PARD3B: variants seen among roughly 807,000 people sequenced by gnomAD.
PARD3B encodes partitioning defective 3 homolog B.
Under a neutral mutation model 130.2 loss-of-function variants are expected in PARD3B, and 103 were observed. The observed-to-expected ratio is 0.79, with a 90% CI of 0.67 to 0.93. The LOEUF (loss-of-function observed/expected upper bound fraction) is 0.93. PARD3B is among the 40% of genes least tolerant of loss of function. The pLI is 0.00. For missense variants in PARD3B, 1,609 were observed against 1,499.2 expected (o/e 1.07, Z -1.21); for synonymous variants, 583 against 553.2 (o/e 1.05, Z -0.76).
At chr2:204,736,161 A>C (rs1396352510) in intron 2 of PARD3B, among the ~76,000 whole-genome samples, 1 of 129,762 alleles carries the variant, frequency 7.7e-6, no homozygotes, top group Admixed American at 7.2e-5. Flanking sequence ...ATCTATGAGT[A>C]CTATTTTTTT....
intron 16 of PARD3B, among the ~76,000 whole-genome samples, chr2:205,299,149 AT>A (rs1332250547): frequency 1.1e-4 from 16 of 152,274 alleles, no homozygotes; most frequent in Admixed American, 1.0e-3. Flanking sequence ...AAAGGTGTGT[AT>A]TGCTATTTCA....
chr2:204,764,512 C>T (rs1332893122), intron 2 of PARD3B, among the ~76,000 whole-genome samples: 1 of 152,188 alleles, frequency 6.6e-6, no homozygotes. Context: ...CCCACCCTAA[C>T]TGCCTGCCTG....
chr2:205,588,048 G>A (rs1575430758), intron 22 of PARD3B, among the ~76,000 whole-genome samples: 1 of 152,278 alleles, frequency 6.6e-6, no homozygotes, highest in East Asian at 1.9e-4. Flanking sequence ...AGGCAGAACA[G>A]GAAGGAAAGG....
intron 18 of PARD3B, among the ~76,000 whole-genome samples, chr2:205,372,925 G>A (rs941235554): frequency 5.3e-5 from 8 of 152,142 alleles, no homozygotes; most frequent in Non-Finnish European, 1.0e-4. Flanking sequence ...GTTGCAGTGA[G>A]CTTTCATTGC....
chr2:204,801,252 AAGTC>A (rs1233389347), intron 2 of PARD3B, among the ~76,000 whole-genome samples: 1 of 152,196 alleles, frequency 6.6e-6, no homozygotes, highest in East Asian at 1.9e-4. Context: ...TCTGTGAAGA[AAGTC>A]AGTCGTAGCT....
At chr2:205,349,179 T>C (rs1471342790) in intron 18 of PARD3B, among the ~76,000 whole-genome samples, 1 of 152,170 alleles carries the variant, frequency 6.6e-6, no homozygotes, top group Non-Finnish European at 1.5e-5. Flanking sequence ...GAAAAAGATA[T>C]CTGAAAAGGG....
In PARD3B at chr2:204,740,106, C is replaced by T. The variant is rs1388225034; in HGVS notation, c.222+53824C>T. Among the ~76,000 whole-genome samples the T allele has an allele frequency of 9.9e-5, 15 of 152,118 alleles. No homozygotes were observed. In the East Asian group the frequency reaches 2.9e-3, roughly 29 times the overall value. ...TCGGCTCACTGCAACCTCTACCTCCCAGGTTCGAGTGATTCTACTGCCTCA... is the reference window on the plus strand; with the variant it reads ...TCGGCTCACTGCAACCTCTACCTCCTAGGTTCGAGTGATTCTACTGCCTCA... On this transcript the variant is annotated intron_variant, in intron 2 of 22. Transcript: ENST00000406610.
At chr2:205,503,181 A>T (rs2050221851) in intron 21 of PARD3B, among the ~76,000 whole-genome samples, 1 of 152,142 alleles carries the variant, frequency 6.6e-6, no homozygotes, top group East Asian at 1.9e-4. Flanking sequence ...TCCACCTTGG[A>T]GGAACTCAGG....
intron 13 of PARD3B, among the ~76,000 whole-genome samples, chr2:205,180,407 A>C (rs1482325279): frequency 1.3e-5 from 2 of 152,064 alleles, no homozygotes; most frequent in East Asian, 3.9e-4. Context: ...TTAGGGAACT[A>C]TTGGGAGTTC....
intron 2 of PARD3B, among the ~76,000 whole-genome samples, chr2:204,903,820 G>A (rs1213710626): frequency 6.6e-6 from 1 of 152,068 alleles, no homozygotes; most frequent in African/African-American, 2.4e-5. Flanking sequence ...GGCAAATAGA[G>A]GAAATTTACA....
intron 3 of PARD3B, among the ~76,000 whole-genome samples, chr2:205,037,872 A>T (rs1698118208): frequency 6.6e-6 from 1 of 152,132 alleles, no homozygotes; most frequent in Non-Finnish European, 1.5e-5. Flanking sequence ...TTATATAATC[A>T]TGTGATCTTG....
chr2:205,097,351 C>A (rs1330244050), intron 4 of PARD3B, among the ~76,000 whole-genome samples: 2 of 152,096 alleles, frequency 1.3e-5, no homozygotes, highest in Non-Finnish European at 2.9e-5. Context: ...TATCAAGAAT[C>A]CTAGATTCTG....
chr2:205,056,004 G>C (rs1699607267), intron 4 of PARD3B, among the ~76,000 whole-genome samples: 1 of 152,034 alleles, frequency 6.6e-6, no homozygotes, highest in Non-Finnish European at 1.5e-5. Flanking sequence ...GAAAGTTAAG[G>C]GTATGGGTTG....
chr2:204,870,173 A>T (rs895836960), intron 2 of PARD3B, among the ~76,000 whole-genome samples: 1 of 152,054 alleles, frequency 6.6e-6, no homozygotes, highest in Non-Finnish European at 1.5e-5. Flanking sequence ...AGCATTTTGG[A>T]TGGGGTGGTA....
chr2:205,570,165 T>C (rs62171560), intron 22 of PARD3B, among the ~76,000 whole-genome samples: 2,696 of 152,282 alleles, frequency 0.018, 38 homozygotes, highest in Middle Eastern at 0.037. Context: ...ATATCTAAAT[T>C]GACAGTGATT....
intron 1 of PARD3B, among the ~76,000 whole-genome samples, chr2:204,560,422 G>T (rs756236667): frequency 6.6e-6 from 1 of 152,132 alleles, no homozygotes; most frequent in Non-Finnish European, 1.5e-5. Context: ...AGAGGAGCAT[G>T]GCAACAAATG....
chr2:204,781,004 A>G (rs1309564231), intron 2 of PARD3B, among the ~76,000 whole-genome samples: 1 of 152,182 alleles, frequency 6.6e-6, no homozygotes, highest in Non-Finnish European at 1.5e-5. Context: ...TGCTTTGCAT[A>G]TCACATCATT....
At chr2:205,203,478 T>C (rs958985890) in intron 15 of PARD3B, among the ~76,000 whole-genome samples, 4 of 152,018 alleles carry the variant, frequency 2.6e-5, no homozygotes, top group African/African-American at 7.2e-5. Context: ...TTTACTATAC[T>C]ATACTGGGAT....
At chr2:205,494,595 T>C (rs577303276) in intron 20 of PARD3B, among the ~76,000 whole-genome samples, 103 of 152,310 alleles carry the variant, frequency 6.8e-4, no homozygotes, top group Middle Eastern at 3.4e-3. Context: ...TGCATGTATT[T>C]CTATTACTTT....
Sources: gnomAD v4.1 joint callset for allele counts (sites outside exome capture counted in the v4.1 genomes callset) on GRCh38, gnomAD v4.1.1 for gene constraint, MANE v1.5 for transcripts, NCBI Gene and HGNC (gene_info 2026-07-23, HGNC 2026-07-21) for gene names.